The following RORB variants were observed in gnomAD, a reference collection of about 807,000 sequenced individuals.
RORB encodes the protein RAR related orphan receptor B.
Under a neutral mutation model 59.1 loss-of-function variants are expected in RORB, and 6 were observed. The observed-to-expected ratio is 0.10, with a 90% CI of 0.06 to 0.20. RORB has a LOEUF of 0.20. Among genes scored for constraint, RORB ranks in the 10% least tolerant of loss-of-function variants. The pLI is 1.00. For missense variants in RORB, 320 were observed against 560.5 expected (o/e 0.57, Z 4.33); for synonymous variants, 215 against 204.5 (o/e 1.05, Z -0.44).
At chr9:74,579,510 T>C (rs1265245102) in intron 1 of RORB, among the ~76,000 whole-genome samples, 1 of 152,124 alleles carries the variant, frequency 6.6e-6, no homozygotes, top group Non-Finnish European at 1.5e-5. Context: ...CTCCTGGTTT[T>C]GTTAAAAGCT....
chr9:74,634,934 C>CA (rs1217529613), intron 3 of RORB, among the ~76,000 whole-genome samples, 162 bp downstream of exon 3: 1 of 152,132 alleles, frequency 6.6e-6, no homozygotes, highest in East Asian at 1.9e-4. Context: ...TAAGAATATA[C>CA]AAAAATAGAG....
chr9:74,577,576 C>T (rs1822656596), intron 1 of RORB, among the ~76,000 whole-genome samples: 1 of 152,024 alleles, frequency 6.6e-6, no homozygotes. Flanking sequence ...TAGATGGCTC[C>T]AAAACCAAGA....
chr9:74,516,355 C>G (rs1158769711), intron 1 of RORB, among the ~76,000 whole-genome samples: 1 of 151,934 alleles, frequency 6.6e-6, no homozygotes, highest in African/African-American at 2.4e-5. Context: ...AGCTGAGGCT[C>G]AGACAGTCTT....
chr9:74,669,017 C>A (rs1824309601), intron 8 of RORB, among the ~76,000 whole-genome samples: 1 of 152,116 alleles, frequency 6.6e-6, no homozygotes, highest in Non-Finnish European at 1.5e-5. Context: ...AACATTTGAC[C>A]CCTCAGAGCC....
chr9:74,566,235 T>C (rs1051476898), intron 1 of RORB, among the ~76,000 whole-genome samples: 4 of 152,138 alleles, frequency 2.6e-5, no homozygotes, highest in African/African-American at 9.7e-5. Context: ...CAAAAGCTTT[T>C]ACAGCAATTC....
At chr9:74,506,176 C>G (rs1423125066) in intron 1 of RORB, among the ~76,000 whole-genome samples, 1 of 151,928 alleles carries the variant, frequency 6.6e-6, no homozygotes, top group South Asian at 2.1e-4. Context: ...TACTAGATAT[C>G]AAGTAGAACA....
chr9:74,609,189 G>A (rs144748879), intron 1 of RORB, among the ~76,000 whole-genome samples: 4 of 152,182 alleles, frequency 2.6e-5, no homozygotes, highest in East Asian at 3.9e-4. Context: ...TTCAATTCTC[G>A]TAACAAATAC....
intron 1 of RORB, among the ~76,000 whole-genome samples, chr9:74,524,381 T>C (rs1826126479): frequency 6.6e-6 from 1 of 151,924 alleles, no homozygotes. Context: ...TGATTGATAC[T>C]ACAGCAGAGT....
chr9:74,530,772 G>A (rs369113896), intron 1 of RORB, among the ~76,000 whole-genome samples: 1 of 151,652 alleles, frequency 6.6e-6, no homozygotes, highest in Non-Finnish European at 1.5e-5. Context: ...TGTGCACAAC[G>A]TGCAGGTTTG....
chr9:74,563,713 G>A (rs1436703598), intron 1 of RORB, among the ~76,000 whole-genome samples: 1 of 152,214 alleles, frequency 6.6e-6, no homozygotes, highest in East Asian at 1.9e-4. Flanking sequence ...GGGATGCTGA[G>A]GCATGCAGAA....
chr9:74,592,295 TACCTACTGA>T (rs1286639810), intron 1 of RORB, among the ~76,000 whole-genome samples: 1 of 152,178 alleles, frequency 6.6e-6, no homozygotes, highest in Non-Finnish European at 1.5e-5. Flanking sequence ...CCCCATCTCA[TACCTACTGA>T]ACCAGAATCT....
At chr9:74,591,072 G>A (rs1041535850) in intron 1 of RORB, among the ~76,000 whole-genome samples, 1 of 152,236 alleles carries the variant, frequency 6.6e-6, no homozygotes, top group Non-Finnish European at 1.5e-5. Context: ...TGGGATTACA[G>A]GCGTGAGCCA....
chr9:74,616,351 C>T (rs1433559860), intron 1 of RORB, among the ~76,000 whole-genome samples: 1 of 152,068 alleles, frequency 6.6e-6, no homozygotes, highest in Non-Finnish European at 1.5e-5. Context: ...ATAATATAAA[C>T]ACTGCATTGT....
At chr9:74,593,796 A>G (rs1005763517) in intron 1 of RORB, among the ~76,000 whole-genome samples, 2 of 152,190 alleles carry the variant, frequency 1.3e-5, no homozygotes, top group African/African-American at 4.8e-5. Context: ...AGAGACCTAC[A>G]AATAGAAGAC....
Position 74,690,977 on chromosome 9 carries a change from T to A in RORB, c.*5359T>A, listed in dbSNP as rs1187459385. On this transcript the variant is annotated 3_prime_UTR_variant, in exon 10 of 10. Coordinates refer to ENST00000376896, the MANE Select transcript of RORB (RefSeq NM_006914.4). ...GTGTGACTTCAATATCTGTGACAAG[T>A]TTTTATTTTCCCTTAGTTGTATGTG... 1 of 152,164 alleles carries A rather than the reference T, an allele frequency of 6.6e-6. No individual in the cohort carries two copies. The highest frequency in any genetic ancestry group is 1.5e-5 in the Non-Finnish European group (1 of 68,036). 9.4% of individuals were successfully genotyped at this position (152,164 alleles called of 1,614,324 possible). A position where few individuals can be genotyped will look rare whatever the true frequency, so the allele number is the denominator to read the frequency against.
intron 4 of RORB, among the ~76,000 whole-genome samples, chr9:74,657,035 G>T (rs1367872447): frequency 6.6e-6 from 1 of 151,960 alleles, no homozygotes; most frequent in East Asian, 1.9e-4. Context: ...ATAGAAACTG[G>T]TCTAGACTCA....
At chr9:74,500,378 C>T (rs1825790193) in intron 1 of RORB, among the ~76,000 whole-genome samples, 1 of 152,174 alleles carries the variant, frequency 6.6e-6, no homozygotes, top group African/African-American at 2.4e-5. Context: ...ATCCAGGCTA[C>T]TCTGACGTCT....
chr9:74,682,357 A>G (rs1255905602), intron 9 of RORB, among the ~76,000 whole-genome samples: 1 of 151,680 alleles, frequency 6.6e-6, no homozygotes, highest in Admixed American at 6.6e-5. Context: ...TGGGTGCAGC[A>G]CACCAACATG....
intron 1 of RORB, among the ~76,000 whole-genome samples, chr9:74,579,632 A>T (rs1397961004): frequency 6.6e-6 from 1 of 152,136 alleles, no homozygotes; most frequent in Non-Finnish European, 1.5e-5. Context: ...GCAAACCTGA[A>T]CTTGAGAAAC....
Sources: allele counts gnomAD v4.1 joint callset (sites outside exome capture counted in the v4.1 genomes callset), GRCh38; gene constraint gnomAD v4.1.1; transcripts MANE v1.5; gene names NCBI Gene and HGNC (gene_info 2026-07-23, HGNC 2026-07-21).